The following NMT2 variants were observed in gnomAD, a reference collection of about 807,000 sequenced individuals.
NMT2 encodes glycylpeptide N-tetradecanoyltransferase 2.
In NMT2, 35 loss-of-function variants were observed where a neutral mutation model predicts 65.4. The observed-to-expected ratio is 0.54, with a 90% CI of 0.41 to 0.71. The LOEUF is 0.71. NMT2 is among the 30% of genes least tolerant of loss of function. The probability of loss-of-function intolerance (pLI) is 0.00; values close to 1 mark genes in which losing one functional copy is unlikely to be tolerated. For synonymous variants in NMT2, 226 were observed against 231.8 expected (o/e 0.98, Z 0.23); for missense variants, 489 against 611.3 (o/e 0.80, Z 2.11).
intron 2 of NMT2, among the ~76,000 whole-genome samples, chr10:15,138,781 C>G (rs1846615391): frequency 6.6e-6 from 1 of 151,826 alleles, no homozygotes; most frequent in Non-Finnish European, 1.5e-5. Context: ...GGGAAAGAGC[C>G]CCAGATTTTA....
chr10:15,106,182 T>G lies in NMT2; in HGVS notation c.*3013A>C, dbSNP rs1290349445. 1.3e-5 allele frequency: 3 copies of G among 235,190 alleles called. No individual in the cohort carries two copies. The highest frequency in any genetic ancestry group is 3.6e-5 in the South Asian group (1 of 27,822). 14.6% of individuals were successfully genotyped at this position (235,190 alleles called of 1,614,324 possible). ...CTAGTTTTTGTAATTTTAGTAGAGA[T>G]AGGGCTTCACCATGTTGGCCAGGCT... On this transcript the variant is annotated 3_prime_UTR_variant, in exon 12 of 12. Transcript: ENST00000378165.
chr10:15,122,000 G>A (rs1845944346), intron 8 of NMT2, among the ~76,000 whole-genome samples: 2 of 152,182 alleles, frequency 1.3e-5, no homozygotes, highest in Non-Finnish European at 2.9e-5. Flanking sequence ...GAAATGTCCA[G>A]ATCTCCACTG....
chr10:15,153,118 G>C (rs1276241410), intron 1 of NMT2, among the ~76,000 whole-genome samples: 1 of 151,984 alleles, frequency 6.6e-6, no homozygotes, highest in African/African-American at 2.4e-5. Context: ...GAGTGGAAAG[G>C]ACCCACACAC....
intron 8 of NMT2, among the ~76,000 whole-genome samples, chr10:15,127,090 T>C (rs1045239448): frequency 6.7e-6 from 1 of 149,628 alleles, no homozygotes; most frequent in South Asian, 2.1e-4. Context: ...CAAAAATCAG[T>C]TGGGTGTGGT....
chr10:15,113,463 CAAA>C (rs1169255963), intron 9 of NMT2, among the ~76,000 whole-genome samples: 19 of 36,992 alleles, frequency 5.1e-4, no homozygotes, highest in South Asian at 1.3e-3. Flanking sequence ...GGATGAGACT[CAAA>C]AAAAAAAAAA....
rs1020580719 is a variant in NMT2, at chr10:15,139,293, T to TATCC, written c.246+2125_246+2128dup. 9.5e-3 allele frequency among the ~76,000 whole-genome samples: 1,298 copies of TATCC among 136,236 alleles called. 7 individuals carry two copies. Among genetic ancestry groups the TATCC allele is most frequent in the East Asian group, 0.027 (117 of 4,372 alleles). 89.4% of individuals were successfully genotyped at this position (136,236 alleles called of 152,430 possible). ...CTATCTATCTATCTATCTATCTATC[T>TATCC]ATCCATCCATCCATCCCATTAGTTC... is the stretch of plus-strand genomic sequence containing the variant. On this transcript the variant is annotated intron_variant, in intron 2 of 11. Coordinates refer to ENST00000378165, the MANE Select transcript of NMT2 (RefSeq NM_004808.3).
chr10:15,155,529 G>A lies in NMT2; in HGVS notation c.110+12974C>T, dbSNP rs185439278. Among the ~76,000 whole-genome samples, 177 of 144,996 alleles carry A rather than the reference G, an allele frequency of 1.2e-3. 1 individual carries two copies. The highest frequency in any genetic ancestry group is 4.1e-3 in the African/African-American group (160 of 38,904). On this transcript the variant is annotated intron_variant, in intron 1 of 11. Coordinates refer to ENST00000378165, the MANE Select transcript of NMT2 (RefSeq NM_004808.3). ...GAGTACAGGTGTATGCCACTATGCC[G>A]GGCTAGTTTTTTTTTTTTTTTTTTT... is the stretch of plus-strand genomic sequence containing the variant.
In NMT2 at chr10:15,150,223, G is replaced by T. The variant is rs966979109; in HGVS notation, c.111-8666C>A. On this transcript the variant is annotated intron_variant, in intron 1 of 11. Transcript: ENST00000378165. ...AGCTAAGGTTAACTCAGGTTATCAGGGTGTACTGGCCAAAGTTGGTCCTCA... is the reference window on the plus strand; with the variant it reads ...AGCTAAGGTTAACTCAGGTTATCAGTGTGTACTGGCCAAAGTTGGTCCTCA... 2.0e-5 allele frequency among the ~76,000 whole-genome samples: 3 copies of T among 152,132 alleles called. No homozygotes were observed. The East Asian group carries it at 5.8e-4, about 29-fold the overall frequency.
Position 15,109,000 on chromosome 10 carries a change from A to G in NMT2, c.*195T>C. 7.4e-7 allele frequency: 1 copy of G among 1,354,252 alleles called. No individual in the cohort carries two copies. Among genetic ancestry groups the G allele is most frequent in the African/African-American group, 1.5e-5 (1 of 65,882 alleles). The allele number at this position is 1,354,252 out of a possible 1,614,324, so 83.9% of individuals were successfully genotyped here. ...TCCCTCCCACAAATAGGTCAACAGT[A>G]AAAAAAGGATGAAGTTTAACATTCT... On this transcript the variant is annotated 3_prime_UTR_variant, in exon 12 of 12. Coordinates refer to ENST00000378165, the MANE Select transcript of NMT2 (RefSeq NM_004808.3).
At chr10:15,118,441 A>G (rs542184812) in intron 9 of NMT2, among the ~76,000 whole-genome samples, 148 of 152,338 alleles carry the variant, frequency 9.7e-4, no homozygotes, top group African/African-American at 3.4e-3. Context: ...CGGGAGGCGG[A>G]GGCAGGAGAA....
At position 15,106,583 on chromosome 10, in the gene NMT2, C is replaced by A; in HGVS notation, c.*2612G>T. On this transcript the variant is annotated 3_prime_UTR_variant, in exon 12 of 12. Coordinates refer to ENST00000378165, the MANE Select transcript of NMT2 (RefSeq NM_004808.3). ...ATTATGTACTACTGTGGGGCCCAGT[C>A]GCCCTCTGGTGGTAGTCTCAGGGAT... 1.1e-6 allele frequency: 1 copy of A among 939,286 alleles called. No homozygotes were observed. The highest frequency in any genetic ancestry group is 1.3e-6 in the Non-Finnish European group (1 of 787,892). 58.2% of individuals were successfully genotyped at this position (939,286 alleles called of 1,614,324 possible).
intron 1 of NMT2, among the ~76,000 whole-genome samples, chr10:15,154,340 T>C (rs536640511): frequency 1.3e-5 from 2 of 152,188 alleles, no homozygotes; most frequent in Non-Finnish European, 2.9e-5. Flanking sequence ...TAGAACCACA[T>C]GACGGGATGG....
At chr10:15,158,902 A>C (rs1480385094) in intron 1 of NMT2, among the ~76,000 whole-genome samples, 1 of 152,094 alleles carries the variant, frequency 6.6e-6, no homozygotes, top group Non-Finnish European at 1.5e-5. Flanking sequence ...TGGGGACTCC[A>C]CCCTTGTAAG....
intron 8 of NMT2, among the ~76,000 whole-genome samples, chr10:15,125,990 C>T (rs1846061906): frequency 6.6e-6 from 1 of 151,862 alleles, no homozygotes; most frequent in African/African-American, 2.4e-5. Context: ...ATTCACACGT[C>T]ACAACACTTC....
intron 9 of NMT2, among the ~76,000 whole-genome samples, chr10:15,116,687 C>T (rs11259500): frequency 0.12 from 18,130 of 151,998 alleles, 2,383 homozygotes; most frequent in African/African-American, 0.33. Flanking sequence ...TGGACAAAAA[C>T]AAAGAAAGAG....
At chr10:15,135,908 C>T (rs1454457962) in intron 2 of NMT2, among the ~76,000 whole-genome samples, 1 of 147,692 alleles carries the variant, frequency 6.8e-6, no homozygotes, top group Non-Finnish European at 1.5e-5. Flanking sequence ...AGAGAGAAAA[C>T]AAAGAAAGAG....
At chr10:15,109,625 T>G in intron 11 of NMT2, 77 bp downstream of exon 11, 1 of 1,138,926 alleles carries the variant, frequency 8.8e-7, no homozygotes, top group Non-Finnish European at 1.2e-6. Flanking sequence ...AAAGCTGTCT[T>G]AAGTCTAAGT....
At chr10:15,121,840 T>A (rs1473664516) in intron 8 of NMT2, among the ~76,000 whole-genome samples, 1 of 152,214 alleles carries the variant, frequency 6.6e-6, no homozygotes. Flanking sequence ...GAATATTTAC[T>A]ATAAGCCATT....
chr10:15,128,985 G>A (rs1232235858), intron 7 of NMT2, among the ~76,000 whole-genome samples: 2 of 152,160 alleles, frequency 1.3e-5, no homozygotes, highest in Non-Finnish European at 2.9e-5. Context: ...TCCAGCATGG[G>A]CAACAGAGCA....
Sources: allele counts gnomAD v4.1 joint callset (sites outside exome capture counted in the v4.1 genomes callset), GRCh38; gene constraint gnomAD v4.1.1; transcripts MANE v1.5; gene names NCBI Gene and HGNC (gene_info 2026-07-23, HGNC 2026-07-21).